Variants in LIPC observed in about 807,000 individuals in gnomAD.
LIPC encodes the protein hepatic triacylglycerol lipase.
A neutral mutation model predicts 50.7 loss-of-function variants in LIPC; 44 were observed. The observed-to-expected ratio is 0.87, with a 90% CI of 0.68 to 1.11. LIPC has a LOEUF of 1.11. LIPC is among the 50% of genes most tolerant of loss of function. The probability of loss-of-function intolerance (pLI) is 0.00; values close to 1 mark genes in which losing one functional copy is unlikely to be tolerated. For missense variants in LIPC, 697 were observed against 648.2 expected, an observed-to-expected ratio of 1.08 and a Z score of -0.82; for synonymous variants, 271 against 256.4, an observed-to-expected ratio of 1.06 and a Z score of -0.54.
chr15:58,545,764 G>C lies in LIPC; in HGVS notation c.597G>C (p.Leu199Phe). 1 of 1,614,200 alleles carries C rather than the reference G, an allele frequency of 6.2e-7. No homozygotes were observed. Among genetic ancestry groups the C allele is most frequent in the Non-Finnish European group, 8.5e-7 (1 of 1,180,036 alleles). The change falls in exon 5 of 9, where the codon TTG becomes TTC. Residue 199 changes from leucine to phenylalanine, a missense_variant. Leu to Phe is a conservative substitution (Grantham distance 22, BLOSUM62 0). Coordinates refer to ENST00000299022, the MANE Select transcript of LIPC (RefSeq NM_000236.3). ...TAGGGCTGGATGCCGCGGGACCTTT[G>C]TTTGAGGGAAGTGCCCCCAGCAATC... ...RITGLDAAGP[L>F]FEGSAPSNRL...
chr15:58,561,941 G>T (rs1285538200), intron 7 of LIPC, among the ~76,000 whole-genome samples: 1 of 152,110 alleles, frequency 6.6e-6, no homozygotes, highest in Non-Finnish European at 1.5e-5. Flanking sequence ...CCATTCAGAT[G>T]GTTGGAGGGC....
intron 1 of LIPC, among the ~76,000 whole-genome samples, chr15:58,475,281 T>A (rs538301902): frequency 1.3e-5 from 2 of 152,262 alleles, no homozygotes; most frequent in East Asian, 3.9e-4. Flanking sequence ...CACACCATAA[T>A]CCAGGTGATC....
intron 1 of LIPC, among the ~76,000 whole-genome samples, chr15:58,500,603 G>A (rs1595900989): frequency 6.6e-6 from 1 of 152,098 alleles, no homozygotes. Flanking sequence ...TAATCAATAA[G>A]TCCCTGACTG....
intron 1 of LIPC, among the ~76,000 whole-genome samples, chr15:58,483,554 T>G (rs1170174976): frequency 5.3e-5 from 8 of 152,204 alleles, no homozygotes; most frequent in African/African-American, 1.4e-4. Flanking sequence ...CCCTTCACCA[T>G]GTTTATCTTG....
chr15:58,567,015 A>G (rs1344534176), intron 8 of LIPC, among the ~76,000 whole-genome samples: 3 of 151,780 alleles, frequency 2.0e-5, no homozygotes, highest in Non-Finnish European at 2.9e-5. Context: ...CCAGATGTAT[A>G]ATAGTGAACA....
In LIPC at chr15:58,563,632, G is replaced by A; in HGVS notation, c.1297G>A (p.Val433Ile). The change falls in exon 8 of 9, where the codon GTC becomes ATC. Residue 433 changes from valine (V) to isoleucine (I), a missense_variant. By Grantham distance (29) the Val-to-Ile change is conservative (BLOSUM62 3). Transcript: ENST00000299022. ...SAVWANVWDT[V>I]QTIIPWSTGP... ...AGTGTGGGCCAATGTCTGGGACACGGTCCAGACCATCATCCCATGGAGCAC... is the reference window on the plus strand; with the variant it reads ...AGTGTGGGCCAATGTCTGGGACACGATCCAGACCATCATCCCATGGAGCAC... The A allele has an allele frequency of 6.2e-7, 1 of 1,614,162 alleles. No homozygotes were observed.
intron 1 of LIPC, among the ~76,000 whole-genome samples, chr15:58,471,328 T>TGGGG (rs5812938): frequency 0.18 from 19,456 of 110,688 alleles, 2,049 homozygotes; most frequent in Middle Eastern, 0.29. Context: ...TTAGTAGAGA[T>TGGGG]GGGGGGGGGT....
intron 1 of LIPC, among the ~76,000 whole-genome samples, chr15:58,525,375 A>C (rs984523536): frequency 6.6e-5 from 10 of 152,332 alleles, no homozygotes; most frequent in African/African-American, 2.2e-4. Context: ...AAATAGGACA[A>C]ATCTTCCCCC....
At position 58,560,998 on chromosome 15, in the gene LIPC, GC is replaced by G. The variant is rs574458779; in HGVS notation, c.1169+22del. ...CATCACTCTGTGAGTAGGAGGTGTA[GC>G]CCCCTAGGGTGATGACACACTTATT... On this transcript the variant is annotated intron_variant, in intron 7 of 8. Transcript: ENST00000299022. 4 of 1,028,322 alleles carry G rather than the reference GC, an allele frequency of 3.9e-6. No individual in the cohort carries two copies. The highest frequency in any genetic ancestry group is 5.8e-6 in the Non-Finnish European group (4 of 685,360). 63.7% of individuals were successfully genotyped at this position (1,028,322 alleles called of 1,614,324 possible).
intron 5 of LIPC, among the ~76,000 whole-genome samples, chr15:58,547,298 G>T (rs1250220024): frequency 1.3e-5 from 2 of 152,180 alleles, no homozygotes; most frequent in Non-Finnish European, 2.9e-5. Context: ...CTCCTGGGTG[G>T]ATGAGCTTGG....
chr15:58,479,349 TAAGATA>T (rs1296061415), intron 1 of LIPC, among the ~76,000 whole-genome samples: 1 of 152,254 alleles, frequency 6.6e-6, no homozygotes, highest in Non-Finnish European at 1.5e-5. Flanking sequence ...CTAGTGTTCC[TAAGATA>T]AAGATCATTG....
At chr15:58,432,268 A>G (rs1893149960) in intron 1 of LIPC, 148 bp downstream of exon 1, 1 of 692,884 alleles carries the variant, frequency 1.4e-6, no homozygotes, top group South Asian at 1.5e-5. Context: ...ACAGGTTCAC[A>G]GGGACACGTA....
chr15:58,524,332 C>G (rs149027257), intron 1 of LIPC, among the ~76,000 whole-genome samples: 6 of 152,202 alleles, frequency 3.9e-5, no homozygotes, highest in African/African-American at 1.2e-4. Flanking sequence ...GTTCAGTTAT[C>G]TAGACACTAG....
intron 1 of LIPC, among the ~76,000 whole-genome samples, chr15:58,482,171 A>G (rs1201385366): frequency 1.3e-5 from 2 of 152,224 alleles, no homozygotes; most frequent in Admixed American, 6.5e-5. Flanking sequence ...AAAATGGTAC[A>G]TGGTAAAACG....
At position 58,560,796 on chromosome 15, in the gene LIPC, A is replaced by C. The variant is rs1894132216; in HGVS notation, c.1052-68A>C. The C allele has an allele frequency of 6.8e-6, 5 of 737,206 alleles. No homozygotes were observed. In the South Asian group the frequency reaches 7.6e-5, roughly 11 times the overall value. The allele number at this position is 737,206 out of a possible 1,614,324, so 45.7% of individuals were successfully genotyped here. ...CTGCATGTTTAAATTTTAAGAAATA[A>C]GAGATTTTTAAATTTAAAATCACTG... is the stretch of plus-strand genomic sequence containing the variant. On this transcript the variant is annotated intron_variant, in intron 6 of 8. Transcript: ENST00000299022.
intron 1 of LIPC, among the ~76,000 whole-genome samples, chr15:58,462,619 A>G (rs1455211318): frequency 6.6e-6 from 1 of 152,152 alleles, no homozygotes; most frequent in African/African-American, 2.4e-5. Context: ...AGATAAATTA[A>G]TCCTCAGCAT....
chr15:58,567,267 G>GTA (rs1163332666), intron 8 of LIPC, among the ~76,000 whole-genome samples: 4 of 42,806 alleles, frequency 9.3e-5, no homozygotes, highest in Non-Finnish European at 1.3e-4. Flanking sequence ...ATATGTATAT[G>GTA]TGTGTGTGTG....
chr15:58,491,484 A>T (rs1891585602), intron 1 of LIPC, among the ~76,000 whole-genome samples: 1 of 152,174 alleles, frequency 6.6e-6, no homozygotes, highest in Non-Finnish European at 1.5e-5. Flanking sequence ...ACTACTTAAA[A>T]CAATAAGAGG....
chr15:58,559,414 C>T (rs1442565506), intron 6 of LIPC, among the ~76,000 whole-genome samples: 1 of 152,192 alleles, frequency 6.6e-6, no homozygotes, highest in Non-Finnish European at 1.5e-5. Context: ...ACAGGAAAGG[C>T]AAATACGCAG....
Sources: allele counts gnomAD v4.1 joint callset (sites outside exome capture counted in the v4.1 genomes callset), GRCh38; gene constraint gnomAD v4.1.1; transcripts MANE v1.5; gene names NCBI Gene and HGNC (gene_info 2026-07-23, HGNC 2026-07-21).